Variants in GRID2 observed in about 807,000 individuals in gnomAD.
GRID2 encodes the protein glutamate receptor ionotropic, delta-2.
GRID2 carries 33 observed loss-of-function variants against 114.8 expected under a neutral mutation model. That is an observed-to-expected ratio of 0.29 (90% CI 0.22 to 0.38). The LOEUF (loss-of-function observed/expected upper bound fraction) is 0.38, where lower values mean the gene tolerates loss of function less well. GRID2 is among the 10% of genes least tolerant of loss of function. The pLI is 1.00. For missense variants in GRID2, 1,184 were observed against 1,257.7 expected (o/e 0.94, Z 0.89); for synonymous variants, 505 against 449.9 (o/e 1.12, Z -1.55).
chr4:93,110,904 G>T lies in GRID2; in HGVS notation c.686G>T (p.Arg229Leu). 1 of 1,613,238 alleles carries T rather than the reference G, an allele frequency of 6.2e-7. No individual in the cohort carries two copies. Among genetic ancestry groups the T allele is most frequent in the Non-Finnish European group, 8.5e-7 (1 of 1,179,216 alleles). Residue 229 changes from arginine (R) to leucine (L), a missense_variant, in exon 4 of 16, where the codon CGA becomes CTA. Arg to Leu is a moderately radical substitution (Grantham distance 102, BLOSUM62 -2). Around this residue, in one of 3 missense-constraint regions of GRID2, gnomAD observed 455 missense variants for 429.5 expected, o/e 1.06. Coordinates refer to ENST00000282020, the MANE Select transcript of GRID2 (RefSeq NM_001510.4). The stretch of plus-strand genomic sequence containing the variant: ...AATCGCTATCGAGACACTCTTAGGC[G>T]AGCGATCCTTGTTATGAATCCTGCT... Reference protein sequence around the residue: ...ELNRYRDTLRRAILVMNPATA... With the variant: ...ELNRYRDTLRLAILVMNPATA...
chr4:92,637,831 C>A (rs1189380495), intron 2 of GRID2, among the ~76,000 whole-genome samples: 2 of 151,844 alleles, frequency 1.3e-5, no homozygotes, highest in African/African-American at 4.8e-5. Context: ...ATATATGTTA[C>A]AATTATTTGT....
At chr4:92,458,857 G>T (rs528281284) in intron 1 of GRID2, among the ~76,000 whole-genome samples, 30 of 152,190 alleles carry the variant, frequency 2.0e-4, no homozygotes, top group Admixed American at 1.8e-3. Context: ...TGTGATAAGG[G>T]TTACGGCAGA....
chr4:92,959,301 C>G (rs1578604230), intron 2 of GRID2, among the ~76,000 whole-genome samples: 1 of 151,834 alleles, frequency 6.6e-6, no homozygotes, highest in East Asian at 1.9e-4. Context: ...AATGTTAGAT[C>G]TTTCTTCGTC....
chr4:93,687,427 G>A (rs148261021), intron 14 of GRID2, among the ~76,000 whole-genome samples: 1 of 151,964 alleles, frequency 6.6e-6, no homozygotes, highest in African/African-American at 2.4e-5. Flanking sequence ...TGTAGGAGTT[G>A]TCAGCAGAAG....
chr4:93,071,782 G>A (rs988555002), intron 2 of GRID2, among the ~76,000 whole-genome samples: 6 of 152,116 alleles, frequency 3.9e-5, no homozygotes, highest in African/African-American at 1.4e-4. Context: ...TGATAAGAGA[G>A]TTCTCATGAA....
At chr4:93,253,698 AAC>A (rs1337516103) in intron 8 of GRID2, among the ~76,000 whole-genome samples, 11 of 152,168 alleles carry the variant, frequency 7.2e-5, no homozygotes, top group Admixed American at 5.2e-4. Context: ...AGCATAAGTG[AAC>A]ACACACATAA....
intron 1 of GRID2, among the ~76,000 whole-genome samples, chr4:92,535,871 C>G (rs956773893): frequency 6.6e-6 from 1 of 152,094 alleles, no homozygotes; most frequent in African/African-American, 2.4e-5. Flanking sequence ...AGCTGCAGAC[C>G]TCTGTGGTGA....
At chr4:92,932,130 GAA>G (rs1399444115) in intron 2 of GRID2, among the ~76,000 whole-genome samples, 1 of 150,964 alleles carries the variant, frequency 6.6e-6, no homozygotes, top group Non-Finnish European at 1.5e-5. Context: ...GAATAGATAA[GAA>G]AAAGAGTCGG....
At chr4:93,059,694 A>T (rs1321438091) in intron 2 of GRID2, among the ~76,000 whole-genome samples, 1 of 152,132 alleles carries the variant, frequency 6.6e-6, no homozygotes, top group African/African-American at 2.4e-5. Context: ...TCTGTTAAGA[A>T]AGACATTCTA....
At chr4:93,606,487 A>C (rs542356936) in intron 13 of GRID2, among the ~76,000 whole-genome samples, 2 of 152,292 alleles carry the variant, frequency 1.3e-5, no homozygotes, top group Middle Eastern at 6.8e-3. Flanking sequence ...TGTCTCACTT[A>C]TTTTAGGATT....
intron 11 of GRID2, among the ~76,000 whole-genome samples, chr4:93,466,311 G>A (rs115354862): frequency 0.019 from 2,888 of 152,176 alleles, 65 homozygotes; most frequent in African/African-American, 0.06. Context: ...GGCAAGCCCC[G>A]AAGTGGAGCT....
At chr4:92,655,773 A>G (rs890556785) in intron 2 of GRID2, among the ~76,000 whole-genome samples, 1 of 151,664 alleles carries the variant, frequency 6.6e-6, no homozygotes, top group Admixed American at 6.6e-5. Context: ...GATTTTCCCC[A>G]TATAAGATCA....
At chr4:92,478,360 T>A (rs1722417381) in intron 1 of GRID2, among the ~76,000 whole-genome samples, 2 of 152,300 alleles carry the variant, frequency 1.3e-5, no homozygotes, top group Admixed American at 6.5e-5. Flanking sequence ...TGAAAAGGCA[T>A]TATTTGCTTC....
intron 4 of GRID2, among the ~76,000 whole-genome samples, chr4:93,154,646 T>C (rs1737013195): frequency 6.6e-6 from 1 of 151,996 alleles, no homozygotes; most frequent in African/African-American, 2.4e-5. Context: ...AAGTATCTGA[T>C]TGAAGAAACA....
At position 93,526,714 on chromosome 4, in the gene GRID2, CAG is replaced by C. The variant is rs1234688955; in HGVS notation, c.2193+11305_2193+11306del. Among the ~76,000 whole-genome samples the C allele has an allele frequency of 1.4e-4, 22 of 152,264 alleles. No individual in the cohort carries two copies. The East Asian group carries it at 3.7e-3, about 25-fold the overall frequency. ...ATCCCAGCTACTCGGGAAGCTGAGG[CAG>C]AAGAATCACTTGAACCTGGGAGGCG... On this transcript the variant is annotated intron_variant, in intron 13 of 15. Coordinates refer to ENST00000282020, the MANE Select transcript of GRID2 (RefSeq NM_001510.4).
intron 3 of GRID2, among the ~76,000 whole-genome samples, chr4:93,090,587 A>T (rs1198034777): frequency 6.6e-6 from 1 of 152,190 alleles, no homozygotes; most frequent in East Asian, 1.9e-4. Context: ...GGATTCACAG[A>T]TATTGCTCCA....
At chr4:93,635,679 C>T (rs1356077738) in intron 14 of GRID2, among the ~76,000 whole-genome samples, 1 of 151,924 alleles carries the variant, frequency 6.6e-6, no homozygotes, top group Non-Finnish European at 1.5e-5. Context: ...TTTCCTGAAT[C>T]CTTGTGGAGC....
At chr4:93,314,429 A>T (rs1455547601) in intron 8 of GRID2, among the ~76,000 whole-genome samples, 1 of 151,824 alleles carries the variant, frequency 6.6e-6, no homozygotes, top group Non-Finnish European at 1.5e-5. Flanking sequence ...TTTCCTACAC[A>T]TTGTATTCCA....
intron 2 of GRID2, among the ~76,000 whole-genome samples, chr4:92,971,816 T>C (rs1753539114): frequency 6.6e-6 from 1 of 152,100 alleles, no homozygotes; most frequent in African/African-American, 2.4e-5. Context: ...GCCTGACTTA[T>C]TTCACTTATA....
Sources: gnomAD v4.1 joint callset for allele counts (sites outside exome capture counted in the v4.1 genomes callset) on GRCh38, gnomAD v4.1.1 for gene constraint, gnomAD v4.1.1 regional missense constraint, MANE v1.5 for transcripts, NCBI Gene and HGNC (gene_info 2026-07-23, HGNC 2026-07-21) for gene names.